Variants in ING5 observed in about 807,000 individuals in gnomAD.
The protein encoded by ING5 is inhibitor of growth protein 5.
A neutral mutation model predicts 37.4 loss-of-function variants in ING5; 17 were observed. The observed-to-expected ratio is 0.45, with a 90% CI of 0.31 to 0.68. ING5 has a LOEUF of 0.68. Ranked by LOEUF, ING5 falls within the 30% of genes least tolerant of loss-of-function variation. The pLI, the probability that ING5 is intolerant of heterozygous loss-of-function variation, is 0.05. For synonymous variants in ING5, 123 were observed against 116.6 expected, an observed-to-expected ratio of 1.06 and a Z score of -0.36; for missense variants, 233 against 311.9, an observed-to-expected ratio of 0.75 and a Z score of 1.91.
chr2:241,721,836 C>T (rs1490173999), intron 5 of ING5: 2 of 985,384 alleles, frequency 2.0e-6, no homozygotes, highest in South Asian at 4.7e-5. Flanking sequence ...GGAAAGTCTC[C>T]ACCTGAGGTC....
intron 7 of ING5, chr2:241,724,707 G>T: frequency 2.0e-6 from 1 of 501,582 alleles, no homozygotes; most frequent in South Asian, 2.5e-5. Flanking sequence ...CCATCGGCCG[G>T]GGAAGAAGGA....
At chr2:241,693,252 C>CAAAA (rs748452347) in intron 2 of ING5, among the ~76,000 whole-genome samples, 1,427 of 59,210 alleles carry the variant, frequency 0.024, 64 homozygotes, top group East Asian at 0.22. Context: ...GAGACTGTCT[C>CAAAA]AAAAAAAAAA....
chr2:241,701,938 A>C (rs1213250426), upstream of ING5: 10 of 442,166 alleles, frequency 2.3e-5, no homozygotes, highest in East Asian at 3.2e-4. Flanking sequence ...GGCGTGTCCG[A>C]CCCCGCCCCC....
intron 5 of ING5, chr2:241,720,045 T>G: frequency 8.1e-7 from 1 of 1,241,380 alleles, no homozygotes; most frequent in Non-Finnish European, 1.0e-6. Context: ...GAAGCTGGGC[T>G]CTGACGTCCA....
intron 5 of ING5, 140 bp from the exon 6 acceptor site, chr2:241,722,799 C>G: frequency 5.3e-6 from 8 of 1,499,908 alleles, no homozygotes; most frequent in Non-Finnish European, 7.1e-6. Flanking sequence ...GAGCACGGTA[C>G]CAATTTCCCC....
intron 2 of ING5, among the ~76,000 whole-genome samples, chr2:241,696,915 C>G (rs2069637953): frequency 6.6e-6 from 1 of 151,184 alleles, no homozygotes; most frequent in South Asian, 2.1e-4. Flanking sequence ...AACCTTGTCT[C>G]TACTAAAAAT....
chr2:241,688,633 A>G (rs1222442875), intron 1 of ING5, among the ~76,000 whole-genome samples: 8 of 151,818 alleles, frequency 5.3e-5, no homozygotes, highest in Non-Finnish European at 8.8e-5. Context: ...TATTGCTTTT[A>G]TTTTATTTGA....
intron 2 of ING5, among the ~76,000 whole-genome samples, chr2:241,706,968 T>TC (rs2069935445): frequency 6.6e-6 from 1 of 150,894 alleles, no homozygotes; most frequent in Non-Finnish European, 1.5e-5. Flanking sequence ...TTTTTTTTTT[T>TC]TTTTTTTTGA....
intron 4 of ING5, 85 bp downstream of exon 4, chr2:241,711,573 A>G (rs769508667): frequency 3.0e-6 from 3 of 1,000,342 alleles, no homozygotes; most frequent in South Asian, 3.1e-5. Context: ...TCATTAAAGT[A>G]TGATCACTAG....
rs1464342789 is a variant in ING5, at chr2:241,725,530, G to A, written c.*499G>A. ...TCACACTCGGCTCCGCGCCGCCTCCGGCCACCGTGCGCTCCCGCGTGGGGC... is the reference window on the plus strand; with the variant it reads ...TCACACTCGGCTCCGCGCCGCCTCCAGCCACCGTGCGCTCCCGCGTGGGGC... On this transcript the variant is annotated 3_prime_UTR_variant, in exon 8 of 8. Transcript: ENST00000313552. 1.3e-5 allele frequency: 2 copies of A among 152,164 alleles called. No individual in the cohort carries two copies. The highest frequency in any genetic ancestry group is 2.9e-5 in the Non-Finnish European group (2 of 68,192). The allele number at this position is 152,164 out of a possible 1,614,324, so 9.4% of individuals were successfully genotyped here. A position where few individuals can be genotyped will look rare whatever the true frequency, so the allele number is the denominator to read the frequency against.
intron 2 of ING5, among the ~76,000 whole-genome samples, chr2:241,706,636 A>G (rs186669608): frequency 6.6e-5 from 10 of 150,738 alleles, no homozygotes; most frequent in East Asian, 5.8e-4. Context: ...AAAAAAAAAA[A>G]AAAAAAAGAA....
chr2:241,723,715 G>A (rs966595874), intron 7 of ING5: 22 of 1,576,270 alleles, frequency 1.4e-5, no homozygotes, highest in Non-Finnish European at 1.8e-5. Flanking sequence ...TCTGTCTAGT[G>A]GAGAAGGGTG....
intron 5 of ING5, among the ~76,000 whole-genome samples, chr2:241,714,642 G>A (rs1348370123): frequency 6.6e-6 from 1 of 151,036 alleles, no homozygotes; most frequent in African/African-American, 2.4e-5. Context: ...GTGTCACCTA[G>A]GCTGGAGTGC....
At chr2:241,723,986 G>A (rs1691500837) in intron 7 of ING5, 2 of 1,325,106 alleles carry the variant, frequency 1.5e-6, no homozygotes, top group African/African-American at 3.0e-5. Flanking sequence ...CTCCAGCCTG[G>A]GCGAGAGAGC....
intron 5 of ING5, among the ~76,000 whole-genome samples, chr2:241,716,749 G>T (rs997509400): frequency 7.2e-5 from 11 of 152,138 alleles, no homozygotes; most frequent in African/African-American, 2.4e-4. Flanking sequence ...CTTTGCCTGT[G>T]ATCTGAGCTT....
intron 7 of ING5, 88 bp from the exon 8 acceptor site, chr2:241,724,901 C>T: frequency 2.1e-6 from 3 of 1,421,750 alleles, no homozygotes; most frequent in South Asian, 1.2e-5. Context: ...GTCCAGCAGC[C>T]CTGGGAGACA....
upstream of ING5, chr2:241,687,066 C>T: frequency 2.5e-6 from 1 of 401,172 alleles, no homozygotes; most frequent in African/African-American, 2.1e-5. Context: ...GCCCTTCGCT[C>T]CGGGAGGGGA....
chr2:241,694,394 G>A (rs1188852604), intron 2 of ING5: 1 of 151,454 alleles, frequency 6.6e-6, no homozygotes, highest in South Asian at 2.1e-4. Context: ...AGTGAGCCAA[G>A]ATCACACCAC....
At chr2:241,712,598 C>T (rs1159901737) in intron 5 of ING5, among the ~76,000 whole-genome samples, 1 of 152,150 alleles carries the variant, frequency 6.6e-6, no homozygotes, top group Admixed American at 6.6e-5. Context: ...CCCACTGACA[C>T]CCTCCCTGCC....
Sources: allele counts gnomAD v4.1 joint callset (sites outside exome capture counted in the v4.1 genomes callset), GRCh38; gene constraint gnomAD v4.1.1; transcripts MANE v1.5; gene names NCBI Gene and HGNC (gene_info 2026-07-23, HGNC 2026-07-21).